The following NOTCH2NLC variants were observed in gnomAD, a reference collection of about 807,000 sequenced individuals.
The protein encoded by NOTCH2NLC is notch 2 N-terminal like C.
NOTCH2NLC carries 4 observed loss-of-function variants against 17.7 expected under a neutral mutation model. That is an observed-to-expected ratio of 0.23 (90% CI 0.11 to 0.52). The LOEUF is 0.52. Among genes scored for constraint, NOTCH2NLC ranks in the 20% least tolerant of loss-of-function variants. The probability of loss-of-function intolerance (pLI) is 0.96; values close to 1 mark genes in which losing one functional copy is unlikely to be tolerated. For missense variants in NOTCH2NLC, 57 were observed against 207.2 expected (o/e 0.28, Z 4.45); for synonymous variants, 18 against 86.0 (o/e 0.21, Z 4.38).
rs1304872756 is a variant in NOTCH2NLC at position 149,426,849 on chromosome 1, T to C, written c.136-4093T>C. Among the ~76,000 whole-genome samples, 183 of 150,326 alleles carry C rather than the reference T, an allele frequency of 1.2e-3. 3 individuals carry two copies. Among genetic ancestry groups the C allele is most frequent in the Non-Finnish European group, 1.9e-3 (129 of 67,360 alleles). Reference sequence around the variant, plus strand: ...TATTGTTAAATTTAAGTGTTTTACATTGGAAAAAAGTAAATTGAATTTTGA... The same window carrying C: ...TATTGTTAAATTTAAGTGTTTTACACTGGAAAAAAGTAAATTGAATTTTGA... On this transcript the variant is annotated intron_variant, in intron 1 of 4. Transcript: ENST00000650865.
chr1:149,416,010 A>G (rs1299782805), intron 1 of NOTCH2NLC, among the ~76,000 whole-genome samples: 1 of 150,280 alleles, frequency 6.7e-6, no homozygotes, highest in African/African-American at 2.4e-5. Context: ...AAAATGCCAT[A>G]AGGAAAACAG....
At chr1:149,445,872 T>C (rs1424062016) in intron 2 of NOTCH2NLC, among the ~76,000 whole-genome samples, 2 of 143,856 alleles carry the variant, frequency 1.4e-5, no homozygotes, top group Admixed American at 7.0e-5. Context: ...GTTGTTGTTG[T>C]TTTTTTTTGA....
chr1:149,395,311 T>G, intron 1 of NOTCH2NLC, among the ~76,000 whole-genome samples: 1 of 136,902 alleles, frequency 7.3e-6, no homozygotes, highest in South Asian at 2.5e-4. Flanking sequence ...CACTTTCTTA[T>G]TTTGGACAAC....
intron 1 of NOTCH2NLC, among the ~76,000 whole-genome samples, chr1:149,395,401 C>G: frequency 7.5e-6 from 1 of 132,462 alleles, no homozygotes; most frequent in Non-Finnish European, 1.6e-5. Flanking sequence ...CCAAATTTTT[C>G]CCTTCCCCAG....
At chr1:149,407,239 T>C (rs1239078787) in intron 1 of NOTCH2NLC, among the ~76,000 whole-genome samples, 2 of 144,692 alleles carry the variant, frequency 1.4e-5, no homozygotes, top group African/African-American at 5.1e-5. Context: ...GTTTTCAGCA[T>C]TGGGAAAGCT....
At chr1:149,400,833 T>TA (rs2101465433) in intron 1 of NOTCH2NLC, among the ~76,000 whole-genome samples, 1 of 149,626 alleles carries the variant, frequency 6.7e-6, no homozygotes, top group African/African-American at 2.4e-5. Flanking sequence ...AAGGCAGGAC[T>TA]AATGCTATGT....
chr1:149,424,909 C>G, intron 1 of NOTCH2NLC, among the ~76,000 whole-genome samples: 3 of 151,404 alleles, frequency 2.0e-5, no homozygotes, highest in Admixed American at 2.0e-4. Context: ...TCACTCATTA[C>G]TGTGGGTGGG....
chr1:149,408,500 A>G (rs2084281795), intron 1 of NOTCH2NLC, among the ~76,000 whole-genome samples: 1 of 145,972 alleles, frequency 6.9e-6, no homozygotes, highest in Non-Finnish European at 1.5e-5. Context: ...CTTTCCTTTT[A>G]ATCAAAATGA....
At position 149,464,164 on chromosome 1, in the gene NOTCH2NLC, ATATG is replaced by A. The variant is rs2084670275; in HGVS notation, c.*17_*20del. 1 of 639,024 alleles carries A rather than the reference ATATG, an allele frequency of 1.6e-6. No homozygotes were observed. The highest frequency in any genetic ancestry group is 2.0e-5 in the African/African-American group (1 of 51,204). The allele number at this position is 639,024 out of a possible 1,614,324, so 39.6% of individuals were successfully genotyped here. On this transcript the variant is annotated 3_prime_UTR_variant, in exon 5 of 5. Coordinates refer to ENST00000650865, the MANE Select transcript of NOTCH2NLC (RefSeq NM_001364013.2). ...CACGATGAGAATTAGACACTGGAAA[ATATG>A]TATGTGTGGTTAATAAAGTGCTTTA...
intron 1 of NOTCH2NLC, among the ~76,000 whole-genome samples, chr1:149,428,170 CA>C (rs2084423131): frequency 7.0e-6 from 1 of 142,618 alleles, no homozygotes; most frequent in Non-Finnish European, 1.5e-5. Context: ...GTGGTATCAA[CA>C]TCACCTGGGA....
chr1:149,462,833 AT>A (rs878889477), intron 3 of NOTCH2NLC, among the ~76,000 whole-genome samples: 1,460 of 117,026 alleles, frequency 0.012, 40 homozygotes, highest in African/African-American at 0.042. Flanking sequence ...CGGGAAGTTG[AT>A]TTTTTTTTTT....
At chr1:149,419,295 A>G (rs1342317331) in intron 1 of NOTCH2NLC, among the ~76,000 whole-genome samples, 5 of 150,964 alleles carry the variant, frequency 3.3e-5, no homozygotes, top group African/African-American at 1.2e-4. Flanking sequence ...CTTTATCAAG[A>G]CAATGTAACT....
At chr1:149,435,856 C>G (rs1205724267) in intron 2 of NOTCH2NLC, among the ~76,000 whole-genome samples, 16 of 146,534 alleles carry the variant, frequency 1.1e-4, no homozygotes, top group Non-Finnish European at 1.7e-4. Flanking sequence ...TGCTTGCACA[C>G]TCTTCCTCTT....
intron 2 of NOTCH2NLC, among the ~76,000 whole-genome samples, chr1:149,433,496 T>C (rs1252092189): frequency 3.3e-5 from 5 of 150,454 alleles, no homozygotes; most frequent in African/African-American, 1.2e-4. Flanking sequence ...GGTAATACCA[T>C]ACAGAGAGGC....
intron 1 of NOTCH2NLC, among the ~76,000 whole-genome samples, chr1:149,423,290 A>G (rs1421763972): frequency 4.0e-5 from 6 of 150,924 alleles, no homozygotes; most frequent in African/African-American, 1.5e-4. Context: ...TCAAGGAGGA[A>G]GACAGATGTT....
chr1:149,417,210 C>T lies in NOTCH2NLC; in HGVS notation c.136-13732C>T, dbSNP rs1380147168. ...CTGCAAGCTCCGCCTCCCGGGTTCACGCCATTCTCCTGCCTCAGCCTCCCA... is the reference window on the plus strand; with the variant it reads ...CTGCAAGCTCCGCCTCCCGGGTTCATGCCATTCTCCTGCCTCAGCCTCCCA... On this transcript the variant is annotated intron_variant, in intron 1 of 4. Coordinates refer to ENST00000650865, the MANE Select transcript of NOTCH2NLC (RefSeq NM_001364013.2). Among the ~76,000 whole-genome samples the T allele has an allele frequency of 1.4e-4, 20 of 145,062 alleles. 1 individual carries two copies. Among genetic ancestry groups the T allele is most frequent in the African/African-American group, 3.8e-4 (15 of 39,764 alleles).
At chr1:149,424,270 G>T (rs1475994213) in intron 1 of NOTCH2NLC, among the ~76,000 whole-genome samples, 4 of 151,000 alleles carry the variant, frequency 2.6e-5, no homozygotes, top group Admixed American at 1.3e-4. Context: ...AAACATCAAG[G>T]GTTCCTATTG....
chr1:149,432,054 A>G (rs2084454642), intron 2 of NOTCH2NLC, among the ~76,000 whole-genome samples: 1 of 129,928 alleles, frequency 7.7e-6, no homozygotes, highest in South Asian at 2.7e-4. Flanking sequence ...ATATGTATCC[A>G]TTCTGTTTAT....
At chr1:149,424,180 T>G (rs1274695677) in intron 1 of NOTCH2NLC, among the ~76,000 whole-genome samples, 10 of 151,590 alleles carry the variant, frequency 6.6e-5, no homozygotes, top group East Asian at 2.0e-4. Context: ...TTCTGTTGTT[T>G]GCAGTTTTGA....
Sources: gnomAD v4.1 joint callset for allele counts (sites outside exome capture counted in the v4.1 genomes callset) on GRCh38, gnomAD v4.1.1 for gene constraint, MANE v1.5 for transcripts, NCBI Gene and HGNC (gene_info 2026-07-23, HGNC 2026-07-21) for gene names.